The following NKD1 variants were observed in gnomAD, a reference collection of about 807,000 sequenced individuals.
NKD1 encodes the protein protein naked cuticle homolog 1.
Under a neutral mutation model 56.0 loss-of-function variants are expected in NKD1, and 21 were observed. That is an observed-to-expected ratio of 0.38 (90% CI 0.27 to 0.54). NKD1 has a LOEUF of 0.54. Among genes scored for constraint, NKD1 ranks in the 20% least tolerant of loss-of-function variants. The pLI is 0.82. For missense variants in NKD1, 578 were observed against 642.7 expected, an observed-to-expected ratio of 0.90 and a Z score of 1.09; for synonymous variants, 263 against 265.7, an observed-to-expected ratio of 0.99 and a Z score of 0.10.
Position 50,633,643 on chromosome 16 carries a change from T to C in NKD1, c.1275T>C (p.Pro425=). 5 of 1,607,442 alleles carry C rather than the reference T, an allele frequency of 3.1e-6. No homozygotes were observed. Among genetic ancestry groups the C allele is most frequent in the Admixed American group, 1.7e-5 (1 of 59,364 alleles). The stretch of plus-strand genomic sequence containing the variant: ...AGGCACCACTGGCCTCAGGTGGCCC[T>C]GTCCTGGGGCGGGAGCACCTGCGGG... The part of the protein sequence containing the change: ...GLQAPLASGG[P]VLGREHLREL... The change falls in exon 10 of 10, where the codon CCT becomes CCC. Residue 425 remains proline, a synonymous_variant. Coordinates refer to ENST00000268459, the MANE Select transcript of NKD1 (RefSeq NM_033119.5). This position sits in a 1 kb window ranked among gnomAD's most constrained non-coding sequence, Gnocchi z 4.9.
intron 3 of NKD1, among the ~76,000 whole-genome samples, chr16:50,559,545 G>T (rs1004538255): frequency 1.3e-5 from 2 of 152,096 alleles, no homozygotes; most frequent in African/African-American, 4.8e-5. Flanking sequence ...AGTCTCTGAG[G>T]TGTTAGAGCA....
chr16:50,577,557 A>G (rs970361988), intron 3 of NKD1, among the ~76,000 whole-genome samples: 1 of 152,218 alleles, frequency 6.6e-6, no homozygotes, highest in Non-Finnish European at 1.5e-5. Flanking sequence ...TTTTAAATAT[A>G]TAATGGAGTA....
At chr16:50,608,496 G>A in intron 4 of NKD1, 136 bp downstream of exon 4, 3 of 684,142 alleles carry the variant, frequency 4.4e-6, no homozygotes, top group Non-Finnish European at 8.1e-6. Context: ...CTGGGTGGGG[G>A]TGGACTAGAG....
At chr16:50,618,154 CG>C (rs1444782982) in intron 4 of NKD1, among the ~76,000 whole-genome samples, 1 of 152,130 alleles carries the variant, frequency 6.6e-6, no homozygotes, top group Admixed American at 6.5e-5. Flanking sequence ...TTTCCCCACC[CG>C]GTCTCCTGCT....
Position 50,549,778 on chromosome 16 carries a change from C to G in NKD1, c.192+223C>G, listed in dbSNP as rs74017704. Among the ~76,000 whole-genome samples, 1,914 of 152,236 alleles carry G rather than the reference C, an allele frequency of 0.013. 36 individuals are homozygous for G. Among genetic ancestry groups the G allele is most frequent in the African/African-American group, 0.043 (1,787 of 41,538 alleles). On this transcript the variant is annotated intron_variant, in intron 3 of 9. Coordinates refer to ENST00000268459, the MANE Select transcript of NKD1 (RefSeq NM_033119.5). ...GCAGAGGGCTGCCTGGGGGAAAGGT[C>G]CTAGGTGGGGAGGTGGTGAAGGTCC...
chr16:50,589,763 TCTCCTCTC>T, intron 3 of NKD1, among the ~76,000 whole-genome samples: 2 of 69,190 alleles, frequency 2.9e-5, no homozygotes, highest in Non-Finnish European at 5.7e-5. Context: ...TCTTCTCTTC[TCTCCTCTC>T]CTCTCCTCTC....
At chr16:50,629,273 C>T (rs967488129) in intron 6 of NKD1, among the ~76,000 whole-genome samples, 1 of 152,126 alleles carries the variant, frequency 6.6e-6, no homozygotes, top group East Asian at 1.9e-4. Flanking sequence ...TCCTCTTCTT[C>T]TAAGGGCCCT....
At chr16:50,588,148 A>G (rs531195565) in intron 3 of NKD1, among the ~76,000 whole-genome samples, 1 of 152,356 alleles carries the variant, frequency 6.6e-6, no homozygotes, top group East Asian at 1.9e-4. Flanking sequence ...TGTCCAGGCC[A>G]CATTCATACA....
At chr16:50,565,272 C>T (rs551168811) in intron 3 of NKD1, among the ~76,000 whole-genome samples, 55 of 150,072 alleles carry the variant, frequency 3.7e-4, no homozygotes, top group African/African-American at 1.3e-3. Context: ...CTCAGGAGGC[C>T]GAGGCAGGAG....
In NKD1 at chr16:50,603,262, A is replaced by G. The variant is rs949687897; in HGVS notation, c.193-5032A>G. Among the ~76,000 whole-genome samples, 4 of 152,302 alleles carry G rather than the reference A, an allele frequency of 2.6e-5. No individual in the cohort carries two copies. The South Asian group carries it at 8.3e-4, about 32-fold the overall frequency. On this transcript the variant is annotated intron_variant, in intron 3 of 9. Transcript: ENST00000268459. ...CCGGAGCCTGGGCGTCCCGACTGCCAGGTCGATCTGGACGCTGAGGAGTGG... is the reference window on the plus strand; with the variant it reads ...CCGGAGCCTGGGCGTCCCGACTGCCGGGTCGATCTGGACGCTGAGGAGTGG...
chr16:50,594,603 G>A (rs564527195), intron 3 of NKD1, among the ~76,000 whole-genome samples: 1 of 152,242 alleles, frequency 6.6e-6, no homozygotes, highest in Non-Finnish European at 1.5e-5. Context: ...CTGACCCTCT[G>A]GGGGAGCTCT....
At chr16:50,586,665 C>T (rs902601988) in intron 3 of NKD1, among the ~76,000 whole-genome samples, 12 of 152,202 alleles carry the variant, frequency 7.9e-5, no homozygotes, top group Non-Finnish European at 7.3e-5. Flanking sequence ...AAGATGCCTT[C>T]CTGGCCTTGC....
chr16:50,574,038 G>T (rs1280909669), intron 3 of NKD1: 2 of 898,950 alleles, frequency 2.2e-6, no homozygotes, highest in Non-Finnish European at 2.7e-6. Context: ...TGTCTTTTCA[G>T]TACTTTTTGA....
chr16:50,584,633 C>T (rs922272616), intron 3 of NKD1, among the ~76,000 whole-genome samples: 3 of 152,322 alleles, frequency 2.0e-5, no homozygotes, highest in Non-Finnish European at 1.5e-5. Context: ...GCATGTGGCA[C>T]AGTGTCTGGC....
intron 3 of NKD1, among the ~76,000 whole-genome samples, chr16:50,560,823 C>CATCTATCTATCTATCTATCTATCTATCT (rs150440223): frequency 3.4e-5 from 5 of 148,546 alleles, no homozygotes; most frequent in East Asian, 2.0e-4. Flanking sequence ...TACCCAAACC[C>CATCTATCTATCTATCTATCTATCTATCT]ATCTATCTAT....
chr16:50,599,594 C>T (rs1221802732), intron 3 of NKD1, among the ~76,000 whole-genome samples: 2 of 152,146 alleles, frequency 1.3e-5, no homozygotes, highest in Admixed American at 1.3e-4. Flanking sequence ...TGGCAGATGT[C>T]GCACACTGAC....
intron 3 of NKD1, among the ~76,000 whole-genome samples, chr16:50,595,231 CT>C (rs1192623932): frequency 1.3e-5 from 2 of 152,182 alleles, no homozygotes; most frequent in Non-Finnish European, 2.9e-5. Flanking sequence ...CTTTGTGACC[CT>C]GGGTAAGTCC....
rs1222033577 is a variant in NKD1, at chr16:50,640,557, A to C, written c.*6776A>C. On this transcript the variant is annotated 3_prime_UTR_variant, in exon 10 of 10. Transcript: ENST00000268459. ...TCTTAGATAGCTGCTTCCTTAGGGC[A>C]TGGCATGTAGTGGGTGGTTAATGAA... 6.6e-6 allele frequency: 1 copy of C among 152,216 alleles called. No homozygotes were observed. The highest frequency in any genetic ancestry group is 1.5e-5 in the Non-Finnish European group (1 of 68,036). The allele number at this position is 152,216 out of a possible 1,614,324, so 9.4% of individuals were successfully genotyped here. A position where few individuals can be genotyped will look rare whatever the true frequency, so the allele number is the denominator to read the frequency against.
At chr16:50,560,289 C>T (rs1036007631) in intron 3 of NKD1, among the ~76,000 whole-genome samples, 1 of 152,226 alleles carries the variant, frequency 6.6e-6, no homozygotes, top group Non-Finnish European at 1.5e-5. Flanking sequence ...GCTGCAGGCT[C>T]AGTGTGCCCG....
Sources: gnomAD v4.1 joint callset for allele counts (sites outside exome capture counted in the v4.1 genomes callset) on GRCh38, gnomAD v4.1.1 for gene constraint, Gnocchi (gnomAD v3.1) non-coding constraint, MANE v1.5 for transcripts, NCBI Gene and HGNC (gene_info 2026-07-23, HGNC 2026-07-21) for gene names.